The following USP9X variants were observed in gnomAD, a reference collection of about 807,000 sequenced individuals.
The protein encoded by USP9X is ubiquitin carboxyl-terminal hydrolase 9X.
USP9X carries 7 observed loss-of-function variants against 190.3 expected under a neutral mutation model. That is an observed-to-expected ratio of 0.04 (90% confidence interval 0.02 to 0.07). The LOEUF (loss-of-function observed/expected upper bound fraction) is 0.07, where lower values mean the gene tolerates loss of function less well. Ranked by LOEUF, USP9X falls within the 10% of genes least tolerant of loss-of-function variation. The pLI, the probability that USP9X is intolerant of heterozygous loss-of-function variation, is 1.00. For synonymous variants in USP9X, 645 were observed against 659.5 expected (o/e 0.98, Z 0.34); for missense variants, 1,010 against 1,916.9 (o/e 0.53, Z 8.83).
chrX:41,206,248 TTAAG>T (rs1283242640), intron 32 of USP9X, among the ~76,000 whole-genome samples: 8 of 112,130 alleles, frequency 7.1e-5, no homozygotes, highest in Non-Finnish European at 1.3e-4. Flanking sequence ...CTGTAAATAC[TTAAG>T]TATGTGTCTG....
intron 21 of USP9X, among the ~76,000 whole-genome samples, chrX:41,174,781 G>A (rs919235626): frequency 9.0e-6 from 1 of 111,421 alleles, no homozygotes; most frequent in Non-Finnish European, 1.9e-5. Flanking sequence ...GATCGCTTGA[G>A]GCCGGGAGTT....
Position 41,168,307 on chromosome X carries a change from C to T in USP9X, c.2636+89C>T, listed in dbSNP as rs916705978. 7 of 832,249 alleles carry T rather than the reference C, an allele frequency of 8.4e-6. No homozygotes were observed. In the African/African-American group the frequency reaches 1.1e-4, roughly 13 times the overall value. The allele number at this position is 832,249 out of a possible 1,213,427, so 68.6% of individuals were successfully genotyped here. The stretch of plus-strand genomic sequence containing the variant: ...GTAAAAGGAGAGCAGAAATTTTTCT[C>T]GTTTGAAAATTGTTGTCTTTGCCCA... On this transcript the variant is annotated intron_variant, in intron 18 of 44. Transcript: ENST00000378308.
At chrX:41,102,123 A>G (rs1031637038) in intron 1 of USP9X, among the ~76,000 whole-genome samples, 5 of 111,954 alleles carry the variant, frequency 4.5e-5, no homozygotes, top group Non-Finnish European at 7.5e-5. Context: ...TACACTTTAA[A>G]TGGACGATTT....
At chrX:41,227,736 T>C (rs2063326220) in intron 41 of USP9X, among the ~76,000 whole-genome samples, 1 of 110,413 alleles carries the variant, frequency 9.1e-6, no homozygotes, top group African/African-American at 3.3e-5. Context: ...AGTCTCACTC[T>C]GTCACCCAGG....
chrX:41,136,093 C>T (rs916961219), intron 5 of USP9X, among the ~76,000 whole-genome samples: 1 of 112,274 alleles, frequency 8.9e-6, no homozygotes, highest in Admixed American at 9.4e-5. Flanking sequence ...TTGGAAGTGG[C>T]GTCAGACTTC....
At position 41,178,478 on chromosome X, in the gene USP9X, A is replaced by G. The variant is rs6610520; in HGVS notation, c.3149-5520A>G. On this transcript the variant is annotated intron_variant, in intron 21 of 44. Transcript: ENST00000378308. ...TTGGATTTGCATTTCCTTAATGATT[A>G]GTTATGTTGAGTGTGCTTTCATGTA... Among the ~76,000 whole-genome samples the G allele has an allele frequency of 3.1e-3, 339 of 110,995 alleles. 14 individuals carry two copies. In the East Asian group the frequency reaches 0.093, roughly 30 times the overall value.
At chrX:41,126,002 T>G (rs965376355) in intron 2 of USP9X, among the ~76,000 whole-genome samples, 6 of 111,490 alleles carry the variant, frequency 5.4e-5, no homozygotes, top group African/African-American at 2.0e-4. Flanking sequence ...TACATGTTTA[T>G]GTAGAGTCAG....
At chrX:41,119,131 C>T (rs987280309) in intron 1 of USP9X, among the ~76,000 whole-genome samples, 5 of 111,906 alleles carry the variant, frequency 4.5e-5, no homozygotes, top group African/African-American at 1.3e-4. Flanking sequence ...CCCATCCCTA[C>T]GTCTCGATTA....
chrX:41,185,005 C>T (rs1467590390), intron 23 of USP9X, among the ~76,000 whole-genome samples: 1 of 111,807 alleles, frequency 8.9e-6, no homozygotes, highest in East Asian at 2.8e-4. Flanking sequence ...ATTGGTTTAT[C>T]TTGTTGCTTG....
intron 1 of USP9X, among the ~76,000 whole-genome samples, chrX:41,086,510 C>G (rs914575818): frequency 8.9e-6 from 1 of 112,494 alleles, no homozygotes; most frequent in Non-Finnish European, 1.9e-5. Flanking sequence ...CCGGCGGCCG[C>G]TTTCCTACCC....
intron 20 of USP9X, 149 bp from the exon 21 acceptor site, chrX:41,171,689 G>T (rs777890199): frequency 1.5e-6 from 1 of 681,352 alleles, no homozygotes; most frequent in Non-Finnish European, 2.3e-6. Flanking sequence ...GATTTGTAGG[G>T]ATTAAAAGAT....
intron 33 of USP9X, among the ~76,000 whole-genome samples, chrX:41,211,052 C>T (rs2063153255): frequency 9.1e-6 from 1 of 109,811 alleles, no homozygotes; most frequent in Non-Finnish European, 1.9e-5. Flanking sequence ...AGTTCAGTGG[C>T]ATGGTCGTAA....
At chrX:41,221,353 G>A (rs191754279) in intron 38 of USP9X, among the ~76,000 whole-genome samples, 6 of 112,146 alleles carry the variant, frequency 5.4e-5, no homozygotes, top group East Asian at 2.8e-4. Flanking sequence ...TGGGAATATG[G>A]CAATAAATAA....
rs374871711 is a variant in USP9X at position 41,218,393 on chromosome X, C to T, written c.6231C>T (p.Leu2077=). The change falls in exon 37 of 45, where the codon CTC becomes CTT. Residue 2077 remains leucine (L), a synonymous_variant. Coordinates refer to ENST00000378308, the MANE Select transcript of USP9X (RefSeq NM_001039591.3). ...TTAGGTATGATGCATTGTGTATTCT[C>T]CTTCGTCACAGCAAGAATGTACGTT... ...ASDWYDALCI[L]LRHSKNVRFW... The T allele has an allele frequency of 1.7e-6, 2 of 1,209,129 alleles. No individual in the cohort carries two copies. Among genetic ancestry groups the T allele is most frequent in the Admixed American group, 2.2e-5 (1 of 45,603 alleles).
intron 30 of USP9X, among the ~76,000 whole-genome samples, chrX:41,200,575 T>A (rs1200679490): frequency 9.0e-6 from 1 of 111,369 alleles, no homozygotes; most frequent in Admixed American, 9.6e-5. Context: ...TACCTAAAGG[T>A]GGGGGAAAAA....
chrX:41,188,083 G>A lies in USP9X; in HGVS notation c.3776G>A (p.Ser1259Asn). The change falls in exon 25 of 45, where the codon AGC (serine) becomes AAC (asparagine). Residue 1259 changes from serine (S) to asparagine (N), a missense_variant. Coordinates refer to ENST00000378308, the MANE Select transcript of USP9X (RefSeq NM_001039591.3). ...SGCGSLQLVFSPNEEITKIYE... is the reference protein window; with the variant it reads ...SGCGSLQLVFNPNEEITKIYE... ...TGTGGGTCGTTACAGCTAGTATTTA[G>A]CCCAAATGAAGAAATCACTAAAATT... The A allele has an allele frequency of 8.3e-7, 1 of 1,208,974 alleles. No individual in the cohort carries two copies. The highest frequency in any genetic ancestry group is 1.1e-6 in the Non-Finnish European group (1 of 893,843).
rs1244020942 is a variant in USP9X at position 41,234,672 on chromosome X, C to G, written c.*2148C>G. On this transcript the variant is annotated 3_prime_UTR_variant, in exon 45 of 45. Coordinates refer to ENST00000378308, the MANE Select transcript of USP9X (RefSeq NM_001039591.3). ...GCCTCCTGGGTTCAAGCGATTCTTC[C>G]GCCTCAGCCTCCCGAGTAGCTGGGA... is the stretch of plus-strand genomic sequence containing the variant. 1 of 111,513 alleles carries G rather than the reference C, an allele frequency of 9.0e-6. No individual in the cohort carries two copies. The highest frequency in any genetic ancestry group is 1.9e-5 in the Non-Finnish European group (1 of 53,026). The allele number at this position is 111,513 out of a possible 1,213,427, so 9.2% of individuals were successfully genotyped here.
intron 1 of USP9X, among the ~76,000 whole-genome samples, chrX:41,090,397 T>C (rs1227339533): frequency 1.8e-5 from 2 of 112,492 alleles, no homozygotes; most frequent in Non-Finnish European, 3.8e-5. Context: ...CATTGTAATA[T>C]ACTTTTAAAG....
intron 14 of USP9X, among the ~76,000 whole-genome samples, chrX:41,157,584 G>T (rs1055090766): frequency 9.0e-6 from 1 of 111,342 alleles, no homozygotes; most frequent in Non-Finnish European, 1.9e-5. Flanking sequence ...CATAGCCATA[G>T]CCCTTATTTC....
Sources: allele counts gnomAD v4.1 joint callset (sites outside exome capture counted in the v4.1 genomes callset), GRCh38; gene constraint gnomAD v4.1.1; transcripts MANE v1.5; gene names NCBI Gene and HGNC (gene_info 2026-07-23, HGNC 2026-07-21).